The following GPHN variants were observed in gnomAD, a reference collection of about 807,000 sequenced individuals.
GPHN encodes gephyrin.
GPHN carries 17 observed loss-of-function variants against 95.5 expected under a neutral mutation model. That is an observed-to-expected ratio of 0.18 (90% CI 0.12 to 0.27). GPHN has a LOEUF of 0.27. Among genes scored for constraint, GPHN ranks in the 10% least tolerant of loss-of-function variants. The pLI is 1.00. For synonymous variants in GPHN, 320 were observed against 322.5 expected, an observed-to-expected ratio of 0.99 and a Z score of 0.08; for missense variants, 660 against 978.1, an observed-to-expected ratio of 0.67 and a Z score of 4.34.
the GPHN span, among the ~76,000 whole-genome samples, chr14:67,548,813 G>A: frequency 2.0e-5 from 3 of 152,172 alleles, no homozygotes; most frequent in African/African-American, 7.2e-5. Flanking sequence ...GTGTACTTTC[G>A]CTCTGTCACA....
the GPHN span, among the ~76,000 whole-genome samples, chr14:67,644,138 A>G: frequency 6.6e-6 from 1 of 152,202 alleles, no homozygotes; most frequent in Non-Finnish European, 1.5e-5. Flanking sequence ...TTACCAGCTC[A>G]ATGTTAAAGC....
At chr14:67,333,631 C>CTCTAA in the GPHN span, 1 of 152,600 alleles carries the variant, frequency 6.6e-6, no homozygotes, top group Admixed American at 6.5e-5. Context: ...ACTCAACACA[C>CTCTAA]TCTAATCTAC....
chr14:66,680,444 C>T (rs1346620465), intron 1 of GPHN, among the ~76,000 whole-genome samples: 2 of 152,178 alleles, frequency 1.3e-5, no homozygotes, highest in Non-Finnish European at 2.9e-5. Context: ...CAACTGCTGC[C>T]CCAAATCCTC....
intron 2 of GPHN, among the ~76,000 whole-genome samples, chr14:66,752,525 T>C (rs1404006050): frequency 6.6e-6 from 1 of 152,054 alleles, no homozygotes; most frequent in Non-Finnish European, 1.5e-5. Context: ...GGCCAGCTGG[T>C]CGAGCAGTCA....
chr14:67,710,726 CT>C, the GPHN span, among the ~76,000 whole-genome samples: 288 of 147,184 alleles, frequency 2.0e-3, 1 homozygote, highest in East Asian at 0.012. Context: ...AAAGGACACA[CT>C]TTTTTTTTTA....
the GPHN span, among the ~76,000 whole-genome samples, chr14:67,366,615 G>A: frequency 6.6e-6 from 1 of 152,152 alleles, no homozygotes; most frequent in Non-Finnish European, 1.5e-5. Context: ...TGAATATTTT[G>A]ATATGGAAGA....
chr14:67,167,982 T>C (rs894741760), intron 20 of GPHN, among the ~76,000 whole-genome samples: 12 of 152,258 alleles, frequency 7.9e-5, no homozygotes, highest in Admixed American at 4.6e-4. Flanking sequence ...TGGAGTGATA[T>C]AGTGGAATTC....
At chr14:67,583,772 T>C in the GPHN span, 2 of 1,612,226 alleles carry the variant, frequency 1.2e-6, no homozygotes, top group Non-Finnish European at 1.7e-6. Flanking sequence ...AAGCCTGCCC[T>C]GCCAGGCCCT....
At chr14:67,330,615 C>T in the GPHN span, among the ~76,000 whole-genome samples, 5 of 152,036 alleles carry the variant, frequency 3.3e-5, no homozygotes, top group South Asian at 2.1e-4. Flanking sequence ...TGCACCACCA[C>T]GCCCAGCTAA....
chr14:67,204,841 G>T, the GPHN span: 1 of 1,613,854 alleles, frequency 6.2e-7, no homozygotes, highest in Non-Finnish European at 8.5e-7. Context: ...CATGTATGCA[G>T]GTACAGGCCC....
At chr14:67,359,723 G>A in the GPHN span, 4 of 1,613,276 alleles carry the variant, frequency 2.5e-6, no homozygotes, top group Non-Finnish European at 3.4e-6. Flanking sequence ...TTCGGCTCGG[G>A]TCCCCGGCCG....
At chr14:66,895,198 G>T (rs921950555) in intron 5 of GPHN, among the ~76,000 whole-genome samples, 6 of 152,196 alleles carry the variant, frequency 3.9e-5, no homozygotes, top group African/African-American at 1.4e-4. Flanking sequence ...ATGAGTTCAT[G>T]TCCTTTGTAG....
intron 9 of GPHN, among the ~76,000 whole-genome samples, chr14:67,007,868 G>A (rs1878875065): frequency 6.6e-6 from 1 of 152,172 alleles, no homozygotes; most frequent in African/African-American, 2.4e-5. Flanking sequence ...GGAAGAGAGA[G>A]AAGGGAGGGA....
intron 4 of GPHN, among the ~76,000 whole-genome samples, chr14:66,859,589 C>G (rs115168966): frequency 6.6e-6 from 1 of 152,106 alleles, no homozygotes; most frequent in Admixed American, 6.6e-5. Context: ...ACAAGTATCA[C>G]GATCACCCAG....
At chr14:67,212,582 C>A in the GPHN span, among the ~76,000 whole-genome samples, 4 of 110,584 alleles carry the variant, frequency 3.6e-5, no homozygotes, top group East Asian at 2.1e-4. Context: ...CAGAGCAAGA[C>A]CCTGTTGAAA....
intron 1 of GPHN, among the ~76,000 whole-genome samples, chr14:66,562,360 A>G (rs536088040): frequency 1.3e-5 from 2 of 152,300 alleles, no homozygotes; most frequent in South Asian, 4.1e-4. Flanking sequence ...GAGGTGATGG[A>G]TACATTAATT....
intron 5 of GPHN, among the ~76,000 whole-genome samples, chr14:66,894,485 T>A (rs1324192774): frequency 6.6e-6 from 1 of 152,056 alleles, no homozygotes; most frequent in African/African-American, 2.4e-5. Flanking sequence ...CCAAAAGCAA[T>A]GGCAACATAA....
At chr14:67,045,680 T>C (rs2074978191) in intron 10 of GPHN, among the ~76,000 whole-genome samples, 1 of 151,642 alleles carries the variant, frequency 6.6e-6, no homozygotes, top group Admixed American at 6.6e-5. Context: ...TCTCCCTCTC[T>C]TGGTCTCAGT....
At chr14:67,500,351 G>GT in the GPHN span, among the ~76,000 whole-genome samples, 1 of 151,832 alleles carries the variant, frequency 6.6e-6, no homozygotes, top group Non-Finnish European at 1.5e-5. Flanking sequence ...GCGGGCGCCT[G>GT]TAATCCCAGC....
Sources: gnomAD v4.1 joint callset for allele counts (sites outside exome capture counted in the v4.1 genomes callset) on GRCh38, gnomAD v4.1.1 for gene constraint, MANE v1.5 for transcripts, NCBI Gene and HGNC (gene_info 2026-07-23, HGNC 2026-07-21) for gene names.